VWC2L: variants seen among roughly 807,000 people sequenced by gnomAD.
VWC2L encodes von Willebrand factor C domain-containing protein 2-like.
A neutral mutation model predicts 21.6 loss-of-function variants in VWC2L; 10 were observed. The observed-to-expected ratio is 0.46, with a 90% confidence interval of 0.29 to 0.78. The LOEUF is 0.78. Ranked by LOEUF, VWC2L falls within the 30% of genes least tolerant of loss-of-function variation. The pLI is 0.10. For synonymous variants in VWC2L, 96 were observed against 94.3 expected, an observed-to-expected ratio of 1.02 and a Z score of -0.10; for missense variants, 209 against 277.1, an observed-to-expected ratio of 0.75 and a Z score of 1.74.
chr2:214,490,572 C>CAGT (rs1688732160), intron 3 of VWC2L, among the ~76,000 whole-genome samples: 1 of 152,102 alleles, frequency 6.6e-6, no homozygotes, highest in African/African-American at 2.4e-5. Flanking sequence ...TAAGCAGCTA[C>CAGT]TACTCAAAGT....
chr2:214,480,449 G>A (rs1688586294), intron 3 of VWC2L, among the ~76,000 whole-genome samples: 1 of 152,178 alleles, frequency 6.6e-6, no homozygotes, highest in South Asian at 2.1e-4. Context: ...ATTGTAAAAT[G>A]AAAGGAGATA....
At chr2:214,416,494 G>A (rs1268045120) in intron 2 of VWC2L, among the ~76,000 whole-genome samples, 1 of 151,814 alleles carries the variant, frequency 6.6e-6, no homozygotes, top group Admixed American at 6.6e-5. Flanking sequence ...TTTTTAACAA[G>A]AATTTAGAGT....
At chr2:214,516,348 A>C (rs1353883291) in intron 3 of VWC2L, among the ~76,000 whole-genome samples, 1 of 152,092 alleles carries the variant, frequency 6.6e-6, no homozygotes, top group Non-Finnish European at 1.5e-5. Flanking sequence ...ATCAATGCTC[A>C]GTTGTTTCCA....
At chr2:214,486,416 G>GTCACCTTC (rs1366250403) in intron 3 of VWC2L, among the ~76,000 whole-genome samples, 1 of 152,166 alleles carries the variant, frequency 6.6e-6, no homozygotes, top group East Asian at 1.9e-4. Context: ...GAAACAGATT[G>GTCACCTTC]TCACCTTCTC....
intron 3 of VWC2L, among the ~76,000 whole-genome samples, chr2:214,473,353 T>G (rs775795683): frequency 6.6e-6 from 1 of 152,172 alleles, no homozygotes; most frequent in African/African-American, 2.4e-5. Flanking sequence ...AAGGCAATAG[T>G]AGTTTATTAT....
Position 214,422,088 on chromosome 2 carries a change from C to T in VWC2L, c.390+7505C>T, listed in dbSNP as rs555509802. ...TATTTTTAGTAGAGACGGGGTTTCA[C>T]CGTGTTAGCCAGGATGGTCTCGATC... On this transcript the variant is annotated intron_variant, in intron 2 of 3. Transcript: ENST00000312504. Among the ~76,000 whole-genome samples the T allele has an allele frequency of 2.0e-5, 3 of 151,372 alleles. No homozygotes were observed. The East Asian group carries it at 5.9e-4, about 30-fold the overall frequency.
intron 3 of VWC2L, among the ~76,000 whole-genome samples, chr2:214,454,477 T>G (rs1703024104): frequency 6.9e-6 from 1 of 145,240 alleles, no homozygotes; most frequent in Non-Finnish European, 1.5e-5. Context: ...TTTGTGTGGG[T>G]TTTTTTTTTT....
chr2:214,424,016 A>T (rs1702481032), intron 2 of VWC2L, among the ~76,000 whole-genome samples: 1 of 152,158 alleles, frequency 6.6e-6, no homozygotes, highest in Non-Finnish European at 1.5e-5. Context: ...TAGAACAACA[A>T]CAACAACAAA....
intron 3 of VWC2L, among the ~76,000 whole-genome samples, chr2:214,543,161 C>T (rs1330618174): frequency 1.3e-5 from 2 of 152,150 alleles, no homozygotes; most frequent in African/African-American, 4.8e-5. Flanking sequence ...TGAGTACTAA[C>T]CTCCCATTCT....
chr2:214,572,604 A>C (rs1164409479), intron 3 of VWC2L, among the ~76,000 whole-genome samples: 1 of 152,214 alleles, frequency 6.6e-6, no homozygotes, highest in Non-Finnish European at 1.5e-5. Context: ...CATATGCTCA[A>C]ATCAAATTTG....
intron 3 of VWC2L, among the ~76,000 whole-genome samples, chr2:214,551,143 AG>A (rs1379650190): frequency 1.3e-5 from 2 of 152,240 alleles, no homozygotes; most frequent in East Asian, 3.8e-4. Context: ...TCATAAGGGA[AG>A]AACTAAGTGC....
At position 214,442,177 on chromosome 2, in the gene VWC2L, T is replaced by C. The variant is rs1702771564; in HGVS notation, c.520+5419T>C. ...CGCCTGCCTCGGCCTCCCAAAGCGC[T>C]GGGATTACAGGCGTGAGCCACTGTG... On this transcript the variant is annotated intron_variant, in intron 3 of 3. Coordinates refer to ENST00000312504, the MANE Select transcript of VWC2L (RefSeq NM_001080500.4). Among the ~76,000 whole-genome samples the C allele has an allele frequency of 2.0e-5, 3 of 152,188 alleles. No individual in the cohort carries two copies. The South Asian group carries it at 6.2e-4, about 32-fold the overall frequency.
chr2:214,473,808 G>A (rs1703344362), intron 3 of VWC2L: 1 of 150,650 alleles, frequency 6.6e-6, no homozygotes, highest in South Asian at 2.1e-4. Context: ...TAACCAACAT[G>A]TGTAATAAAA....
chr2:214,426,102 G>A (rs1004802559), intron 2 of VWC2L, among the ~76,000 whole-genome samples: 4 of 149,006 alleles, frequency 2.7e-5, no homozygotes, highest in African/African-American at 9.9e-5. Context: ...AACCCAGGAG[G>A]TGGAAGTTTC....
At chr2:214,508,591 ATTTG>A (rs943781868) in intron 3 of VWC2L, among the ~76,000 whole-genome samples, 6 of 152,154 alleles carry the variant, frequency 3.9e-5, no homozygotes, top group African/African-American at 1.4e-4. Flanking sequence ...ACTAGTGTGA[ATTTG>A]TTCTATCCTA....
At chr2:214,481,626 G>T (rs780349452) in intron 3 of VWC2L, among the ~76,000 whole-genome samples, 1 of 152,134 alleles carries the variant, frequency 6.6e-6, no homozygotes, top group Non-Finnish European at 1.5e-5. Context: ...CTGATACATG[G>T]ATATATTTTT....
chr2:214,474,249 C>T (rs1283515828), intron 3 of VWC2L, among the ~76,000 whole-genome samples: 1 of 152,084 alleles, frequency 6.6e-6, no homozygotes, highest in Non-Finnish European at 1.5e-5. Context: ...CACATAAAAG[C>T]TTACCAAAGT....
chr2:214,505,356 G>A (rs939825176), intron 3 of VWC2L, among the ~76,000 whole-genome samples: 1 of 152,126 alleles, frequency 6.6e-6, no homozygotes, highest in Non-Finnish European at 1.5e-5. Flanking sequence ...TCAGCACAAA[G>A]ATTTAAAGAA....
chr2:214,479,580 G>A (rs370739907), intron 3 of VWC2L, among the ~76,000 whole-genome samples: 2 of 152,122 alleles, frequency 1.3e-5, no homozygotes, highest in African/African-American at 2.4e-5. Flanking sequence ...TGAGGCAGGC[G>A]GATCACCTGA....
Sources: gnomAD v4.1 joint callset for allele counts (sites outside exome capture counted in the v4.1 genomes callset) on GRCh38, gnomAD v4.1.1 for gene constraint, MANE v1.5 for transcripts, NCBI Gene and HGNC (gene_info 2026-07-23, HGNC 2026-07-21) for gene names.